The following RNF128 variants were observed in gnomAD, a reference collection of about 807,000 sequenced individuals.
RNF128 encodes E3 ubiquitin-protein ligase RNF128.
A neutral mutation model predicts 26.2 loss-of-function variants in RNF128; 13 were observed. The observed-to-expected ratio is 0.50, with a 90% confidence interval of 0.32 to 0.79. RNF128 has a LOEUF of 0.79. Among genes scored for constraint, RNF128 ranks in the 30% least tolerant of loss-of-function variants. RNF128 has a pLI of 0.03. For missense variants in RNF128, 315 were observed against 349.7 expected (o/e 0.90, Z 0.79); for synonymous variants, 149 against 142.5 (o/e 1.05, Z -0.32).
At chrX:106,764,881 T>G (rs1930188852) in intron 1 of RNF128, among the ~76,000 whole-genome samples, 2 of 111,920 alleles carry the variant, frequency 1.8e-5, no homozygotes, top group South Asian at 7.4e-4. Flanking sequence ...GAGATGGCTC[T>G]TAGAGAAAAG....
At chrX:106,765,874 C>T (rs1313539283) in intron 1 of RNF128, among the ~76,000 whole-genome samples, 1 of 102,399 alleles carries the variant, frequency 9.8e-6, no homozygotes, top group Non-Finnish European at 2.0e-5. Flanking sequence ...CCCCAGCCCC[C>T]CACCCCACGA....
chrX:106,745,917 C>G (rs930303276), intron 1 of RNF128, among the ~76,000 whole-genome samples: 3 of 111,005 alleles, frequency 2.7e-5, no homozygotes, highest in African/African-American at 9.8e-5. Context: ...AATAATTGTC[C>G]TTCCCCAGTT....
intron 1 of RNF128, among the ~76,000 whole-genome samples, chrX:106,696,054 T>C (rs1928868784): frequency 9.0e-6 from 1 of 111,616 alleles, no homozygotes; most frequent in South Asian, 3.7e-4. Flanking sequence ...AAGGAGGCAG[T>C]TAGACTTATC....
upstream of RNF128, chrX:106,726,639 C>T (rs777531354): frequency 1.0e-6 from 1 of 964,427 alleles, no homozygotes; most frequent in South Asian, 3.2e-5. Flanking sequence ...TCCCAGCCAC[C>T]TCTACCCCCA....
In RNF128 at chrX:106,741,947, A is replaced by T. The variant is rs188058212; in HGVS notation, c.484+14550A>T. Among the ~76,000 whole-genome samples, 23 of 111,888 alleles carry T rather than the reference A, an allele frequency of 2.1e-4. No individual in the cohort carries two copies. In the Admixed American group the frequency reaches 2.1e-3, roughly 10 times the overall value. ...AGTCAGGTCAGAATCTTATAAAAGG[A>T]GGTTCAATTTTATTCCGTAGGTGAA... is the stretch of plus-strand genomic sequence containing the variant. On this transcript the variant is annotated intron_variant, in intron 1 of 6. Transcript: ENST00000255499.
At chrX:106,702,260 A>G (rs1232742450) in intron 1 of RNF128, among the ~76,000 whole-genome samples, 1 of 111,488 alleles carries the variant, frequency 9.0e-6, no homozygotes, top group Non-Finnish European at 1.9e-5. Flanking sequence ...CCTTTTCTCC[A>G]TTTTAAAATC....
intron 1 of RNF128, among the ~76,000 whole-genome samples, chrX:106,762,485 G>A (rs1454373496): frequency 9.1e-6 from 1 of 110,262 alleles, no homozygotes; most frequent in Non-Finnish European, 1.9e-5. Context: ...GGCTAATTTT[G>A]TACTTTTAGT....
chrX:106,784,976 G>T, intron 2 of RNF128, 89 bp from the exon 3 acceptor site: 1 of 640,853 alleles, frequency 1.6e-6, no homozygotes, highest in Non-Finnish European at 2.3e-6. Context: ...ACTTTTACCT[G>T]ATAAATATTT....
Position 106,776,001 on chromosome X carries a change from A to C in RNF128, c.732+2841A>C, listed in dbSNP as rs142678197. Among the ~76,000 whole-genome samples the C allele has an allele frequency of 8.8e-3, 988 of 112,489 alleles. 4 individuals carry two copies. Among genetic ancestry groups the C allele is most frequent in the Middle Eastern group, 0.018 (4 of 219 alleles). ...AGTGTGATGTGTAAGAACACATATC[A>C]TCCCTGTTTTTTAGATACAAAGCTT... On this transcript the variant is annotated intron_variant, in intron 2 of 6. Coordinates refer to ENST00000255499, the MANE Select transcript of RNF128 (RefSeq NM_194463.2).
intron 1 of RNF128, among the ~76,000 whole-genome samples, chrX:106,714,053 C>A (rs1473877035): frequency 2.7e-5 from 3 of 109,188 alleles, no homozygotes. Flanking sequence ...AGGCACTCCC[C>A]AGTAGTCCCA....
At chrX:106,772,888 A>G in intron 1 of RNF128, 25 bp from the exon 2 acceptor site, 1 of 1,190,183 alleles carries the variant, frequency 8.4e-7, no homozygotes, top group Non-Finnish European at 1.1e-6. Flanking sequence ...CACCAAACTA[A>G]AACTGAATTT....
rs775585163 is a variant in RNF128, at chrX:106,727,178, G to A, written c.265G>A (p.Gly89Arg). The A allele has an allele frequency of 8.3e-7, 1 of 1,210,930 alleles. No homozygotes were observed. Among genetic ancestry groups the A allele is most frequent in the Non-Finnish European group, 1.1e-6 (1 of 895,223 alleles). Reference sequence around the variant, plus strand: ...GGCTGGGGTCCTGGTACCGCCCGACGGGCCCGGGGCGCTTAACGCCTGTAA... The same window carrying A: ...GGCTGGGGTCCTGGTACCGCCCGACAGGCCCGGGGCGCTTAACGCCTGTAA... ...PVAGVLVPPD[G>R]PGALNACNPH... The change falls in exon 1 of 7, where the codon GGG (glycine) becomes AGG (arginine). Residue 89 changes from glycine to arginine, a missense_variant. Gly to Arg is a moderately radical substitution (Grantham distance 125). Transcript: ENST00000255499.
chrX:106,727,389 C>G lies in RNF128; in HGVS notation c.476C>G (p.Ser159Cys). The G allele has an allele frequency of 1.7e-6, 2 of 1,211,235 alleles. No homozygotes were observed. Among genetic ancestry groups the G allele is most frequent in the Non-Finnish European group, 2.2e-6 (2 of 895,339 alleles). The stretch of plus-strand genomic sequence containing the variant: ...ACCCGCAATGAGGTCATCCCCATGT[C>G]TCACCCGGGTGAGTGCAGCTACTAG... ...PGTRNEVIPMSHPGAVDIVAI... is the reference protein window; with the variant it reads ...PGTRNEVIPMCHPGAVDIVAI... The change falls in exon 1 of 7, where the codon TCT becomes TGT. Residue 159 changes from serine (S) to cysteine (C), a missense_variant. Coordinates refer to ENST00000255499, the MANE Select transcript of RNF128 (RefSeq NM_194463.2).
At chrX:106,739,035 A>G (rs1929649088) in intron 1 of RNF128, among the ~76,000 whole-genome samples, 2 of 111,758 alleles carry the variant, frequency 1.8e-5, no homozygotes, top group African/African-American at 6.5e-5. Flanking sequence ...GTCTTTCCAA[A>G]TACTTAACAT....
chrX:106,736,756 G>A (rs1569438918), intron 1 of RNF128, among the ~76,000 whole-genome samples: 1 of 111,639 alleles, frequency 9.0e-6, no homozygotes, highest in African/African-American at 3.3e-5. Flanking sequence ...TACAAATATG[G>A]GTTAAATAAT....
At chrX:106,696,531 G>C (rs929031486) in intron 1 of RNF128, among the ~76,000 whole-genome samples, 2 of 110,716 alleles carry the variant, frequency 1.8e-5, no homozygotes, top group African/African-American at 3.3e-5. Flanking sequence ...GTTTTGTTTT[G>C]ACACAGAGGA....
At chrX:106,791,012 C>A (rs935378679) in intron 5 of RNF128, 54 bp from the exon 6 acceptor site, 3 of 1,079,766 alleles carry the variant, frequency 2.8e-6, no homozygotes, top group Non-Finnish European at 3.8e-6. Context: ...AGTGATATGT[C>A]GAGGAAAAGC....
chrX:106,701,765 C>T (rs1928960820), intron 1 of RNF128, among the ~76,000 whole-genome samples: 1 of 110,995 alleles, frequency 9.0e-6, no homozygotes, highest in Non-Finnish European at 1.9e-5. Context: ...TTATTAAAAA[C>T]AAGATGAAGT....
chrX:106,731,832 T>C (rs1929507047), intron 1 of RNF128, among the ~76,000 whole-genome samples: 2 of 111,740 alleles, frequency 1.8e-5, no homozygotes, highest in Admixed American at 1.9e-4. Flanking sequence ...TACCCTGCTT[T>C]CAGTTCCTGT....
Sources: allele counts gnomAD v4.1 joint callset (sites outside exome capture counted in the v4.1 genomes callset), GRCh38; gene constraint gnomAD v4.1.1; transcripts MANE v1.5; gene names NCBI Gene and HGNC (gene_info 2026-07-23, HGNC 2026-07-21).